MACROD2: variants seen among roughly 807,000 people sequenced by gnomAD.
The protein encoded by MACROD2 is ADP-ribose glycohydrolase MACROD2.
Under a neutral mutation model 70.4 loss-of-function variants are expected in MACROD2, and 36 were observed. The observed-to-expected ratio is 0.51, with a 90% CI of 0.39 to 0.68. The LOEUF (loss-of-function observed/expected upper bound fraction) is 0.68, where lower values mean the gene tolerates loss of function less well. Among genes scored for constraint, MACROD2 ranks in the 30% least tolerant of loss-of-function variants. MACROD2 has a pLI of 0.00. For missense variants in MACROD2, 496 were observed against 538.4 expected (o/e 0.92, Z 0.78); for synonymous variants, 172 against 178.8 (o/e 0.96, Z 0.30).
chr20:14,520,061 T>TG (rs2085148213), intron 4 of MACROD2, among the ~76,000 whole-genome samples: 1 of 152,084 alleles, frequency 6.6e-6, no homozygotes, highest in Admixed American at 6.5e-5. Context: ...GGGGGCCTTC[T>TG]GGAAAGTGGA....
At chr20:15,926,274 A>G (rs113045003) in intron 10 of MACROD2, among the ~76,000 whole-genome samples, 2 of 152,226 alleles carry the variant, frequency 1.3e-5, no homozygotes, top group African/African-American at 4.8e-5. Flanking sequence ...ATCCTGGAAT[A>G]GAAGATAATC....
At chr20:14,464,624 G>T (rs1241520058) in intron 3 of MACROD2, among the ~76,000 whole-genome samples, 2 of 151,998 alleles carry the variant, frequency 1.3e-5, no homozygotes, top group Admixed American at 1.3e-4. Context: ...TAATTGTGAT[G>T]TTAGGGTGTC....
chr20:14,492,602 T>A (rs1164569875), intron 3 of MACROD2, among the ~76,000 whole-genome samples: 2 of 152,158 alleles, frequency 1.3e-5, no homozygotes, highest in Non-Finnish European at 2.9e-5. Flanking sequence ...TTTTTTAGTC[T>A]TTTGGTAACT....
At chr20:15,759,145 CAAAAA>C (rs57212358) in intron 8 of MACROD2, among the ~76,000 whole-genome samples, 3 of 58,926 alleles carry the variant, frequency 5.1e-5, no homozygotes, top group African/African-American at 2.1e-4. Context: ...GACTCCATCT[CAAAAA>C]AAAAAAAAAA....
At chr20:14,778,880 G>A (rs994435704) in intron 5 of MACROD2, among the ~76,000 whole-genome samples, 6 of 152,082 alleles carry the variant, frequency 3.9e-5, no homozygotes, top group Non-Finnish European at 8.8e-5. Context: ...CATTTAATGA[G>A]GGAAGCTCCA....
At chr20:15,897,595 T>C (rs2064993228) in intron 10 of MACROD2, among the ~76,000 whole-genome samples, 1 of 152,188 alleles carries the variant, frequency 6.6e-6, no homozygotes, top group South Asian at 2.1e-4. Flanking sequence ...TGCCTTCCGG[T>C]TAATTTTTTT....
chr20:14,547,782 C>T (rs868628374), intron 4 of MACROD2, among the ~76,000 whole-genome samples: 1 of 152,182 alleles, frequency 6.6e-6, no homozygotes, highest in South Asian at 2.1e-4. Context: ...GATTGTGTAC[C>T]TGAGGTCACT....
intron 6 of MACROD2, among the ~76,000 whole-genome samples, chr20:15,376,954 A>G (rs1392077932): frequency 6.6e-6 from 1 of 152,038 alleles, no homozygotes; most frequent in Admixed American, 6.6e-5. Flanking sequence ...GCAGTGGCGC[A>G]ATCTTGGCTC....
At chr20:15,700,952 A>G (rs2050448992) in intron 8 of MACROD2, among the ~76,000 whole-genome samples, 1 of 152,200 alleles carries the variant, frequency 6.6e-6, no homozygotes, top group Non-Finnish European at 1.5e-5. Flanking sequence ...AGCATTCACC[A>G]CCTGGAGAAC....
chr20:16,041,111 A>G lies in MACROD2; in HGVS notation c.1154-90A>G, dbSNP rs935467509. On this transcript the variant is annotated intron_variant, in intron 15 of 17. Coordinates refer to ENST00000684519, the MANE Select transcript of MACROD2 (RefSeq NM_001351661.2). ...GAATCCCAGGAGTATTTTTGAATTT[A>G]AAAGGGCAATGGAGGGTGACAGAAA... is the stretch of plus-strand genomic sequence containing the variant. The G allele has an allele frequency of 2.5e-5, 27 of 1,096,868 alleles. No homozygotes were observed. In the African/African-American group the frequency reaches 4.0e-4, roughly 16 times the overall value. 67.9% of individuals were successfully genotyped at this position (1,096,868 alleles called of 1,614,324 possible).
chr20:14,393,012 C>T (rs1301855213), intron 3 of MACROD2, among the ~76,000 whole-genome samples: 1 of 152,080 alleles, frequency 6.6e-6, no homozygotes, highest in African/African-American at 2.4e-5. Context: ...TCCAAACTCA[C>T]CATATATTAA....
At position 14,239,956 on chromosome 20, in the gene MACROD2, A is replaced by T. The variant is rs116237955; in HGVS notation, c.271+154228A>T. ...ATCTGACAAGGCTCTTATATCCGGA[A>T]TCTATAAAGAACTTAAACAAATTAA... On this transcript the variant is annotated intron_variant, in intron 3 of 17. Transcript: ENST00000684519. 8.0e-3 allele frequency among the ~76,000 whole-genome samples: 1,217 copies of T among 152,358 alleles called. 15 individuals are homozygous for T. Among genetic ancestry groups the T allele is most frequent in the African/African-American group, 0.028 (1,156 of 41,592 alleles).
intron 6 of MACROD2, among the ~76,000 whole-genome samples, chr20:15,371,284 G>T (rs1177548728): frequency 6.6e-6 from 1 of 152,066 alleles, no homozygotes; most frequent in Non-Finnish European, 1.5e-5. Flanking sequence ...TAAAATAGTG[G>T]TTTTCAAATC....
chr20:14,922,957 C>G (rs1206601408), intron 5 of MACROD2, among the ~76,000 whole-genome samples: 1 of 152,158 alleles, frequency 6.6e-6, no homozygotes, highest in Non-Finnish European at 1.5e-5. Flanking sequence ...CTAAGTGTTA[C>G]AAATATAAGC....
chr20:14,852,021 T>C (rs2122317129), intron 5 of MACROD2, among the ~76,000 whole-genome samples: 1 of 152,122 alleles, frequency 6.6e-6, no homozygotes, highest in South Asian at 2.1e-4. Context: ...GAGTCATGCA[T>C]GAAAGAGGAA....
chr20:14,021,045 A>G (rs1395020404), intron 2 of MACROD2, among the ~76,000 whole-genome samples: 2 of 135,664 alleles, frequency 1.5e-5, no homozygotes, highest in Non-Finnish European at 3.0e-5. Context: ...GCTGGAGTGC[A>G]GTGGCGCCAT....
At chr20:14,226,138 A>C (rs2081731063) in intron 3 of MACROD2, among the ~76,000 whole-genome samples, 2 of 152,146 alleles carry the variant, frequency 1.3e-5, no homozygotes, top group Non-Finnish European at 2.9e-5. Flanking sequence ...GGGAATGTAA[A>C]GGGCAAAGTT....
At chr20:15,460,991 TATATATATATA>T (rs1568825030) in intron 7 of MACROD2, among the ~76,000 whole-genome samples, 10 of 80,520 alleles carry the variant, frequency 1.2e-4, no homozygotes, top group Admixed American at 4.7e-4. Context: ...TATATATATA[TATATATATATA>T]TATATTTTTT....
chr20:14,277,939 A>G (rs1007829361), intron 3 of MACROD2, among the ~76,000 whole-genome samples: 3 of 152,260 alleles, frequency 2.0e-5, no homozygotes, highest in Non-Finnish European at 2.9e-5. Flanking sequence ...TTAAAAAAGC[A>G]TACAACTGAA....
Sources: allele counts gnomAD v4.1 joint callset (sites outside exome capture counted in the v4.1 genomes callset), GRCh38; gene constraint gnomAD v4.1.1; transcripts MANE v1.5; gene names NCBI Gene and HGNC (gene_info 2026-07-23, HGNC 2026-07-21).